CNTNAP4: variants seen among roughly 807,000 people sequenced by gnomAD.
CNTNAP4 encodes contactin associated protein family member 4, also known as contactin-associated protein-like 4.
CNTNAP4 carries 98 observed loss-of-function variants against 148.4 expected under a neutral mutation model. The ratio of observed to expected loss-of-function variants is 0.66; its 90% CI spans 0.56 to 0.78. CNTNAP4 has a LOEUF of 0.78. CNTNAP4 is among the 30% of genes least tolerant of loss of function. CNTNAP4 has a pLI of 0.00. For missense variants in CNTNAP4, 1,935 were observed against 1,565.6 expected (o/e 1.24, Z -3.98); for synonymous variants, 730 against 565.1 (o/e 1.29, Z -4.14).
intron 9 of CNTNAP4, 130 bp from the exon 10 acceptor site, chr16:76,467,222 A>T (rs910128965): frequency 2.7e-6 from 2 of 730,514 alleles, no homozygotes; most frequent in African/African-American, 3.6e-5. Context: ...TAATGACTGC[A>T]GTCATTATTC....
chr16:76,460,046 A>G (rs1422859084), intron 8 of CNTNAP4, among the ~76,000 whole-genome samples: 1 of 152,120 alleles, frequency 6.6e-6, no homozygotes, highest in African/African-American at 2.4e-5. Flanking sequence ...AATAGAAACA[A>G]TCATATTTTT....
At position 76,295,227 on chromosome 16, in the gene CNTNAP4, C is replaced by T. The variant is rs140519005; in HGVS notation, c.85+17480C>T. On this transcript the variant is annotated intron_variant, in intron 1 of 23. Transcript: ENST00000611870. The stretch of plus-strand genomic sequence containing the variant: ...AGGACAGCTAGATGAGGAAAGAAGG[C>T]GGAAACACATGCCCATCATAGCGAG... 2.0e-3 allele frequency among the ~76,000 whole-genome samples: 302 copies of T among 152,146 alleles called. 1 individual carries two copies. Among genetic ancestry groups the T allele is most frequent in the African/African-American group, 6.3e-3 (260 of 41,510 alleles).
At chr16:76,400,146 T>C (rs2078356639) in intron 3 of CNTNAP4, among the ~76,000 whole-genome samples, 2 of 152,180 alleles carry the variant, frequency 1.3e-5, no homozygotes, top group Admixed American at 6.5e-5. Context: ...GGTATTACTG[T>C]TATGTTATAG....
chr16:76,302,853 G>A (rs968452764), intron 1 of CNTNAP4, among the ~76,000 whole-genome samples: 3 of 152,112 alleles, frequency 2.0e-5, no homozygotes, highest in Non-Finnish European at 4.4e-5. Context: ...TCTCCAGAAG[G>A]GAGGGCTCTA....
At chr16:76,368,165 C>T (rs1349610836) in intron 3 of CNTNAP4, among the ~76,000 whole-genome samples, 1 of 152,136 alleles carries the variant, frequency 6.6e-6, no homozygotes, top group East Asian at 1.9e-4. Flanking sequence ...GATTCTCCTG[C>T]ACATTCTTTG....
intron 1 of CNTNAP4, among the ~76,000 whole-genome samples, chr16:76,301,045 A>G (rs575579523): frequency 6.6e-6 from 1 of 152,230 alleles, no homozygotes; most frequent in African/African-American, 2.4e-5. Context: ...ATAGGAACTA[A>G]CATGGAAATT....
At chr16:76,547,083 T>C (rs1263416207) in intron 21 of CNTNAP4, among the ~76,000 whole-genome samples, 3 of 152,214 alleles carry the variant, frequency 2.0e-5, no homozygotes, top group African/African-American at 7.2e-5. Flanking sequence ...AGTACTTTGT[T>C]CACAATGTAC....
intron 15 of CNTNAP4, among the ~76,000 whole-genome samples, chr16:76,518,810 A>T (rs2083349379): frequency 6.6e-6 from 1 of 152,066 alleles, no homozygotes; most frequent in East Asian, 1.9e-4. Context: ...ATCTAACTGG[A>T]ATTTTGTATT....
intron 15 of CNTNAP4, among the ~76,000 whole-genome samples, chr16:76,519,541 GTA>G (rs573991356): frequency 5.3e-5 from 8 of 152,110 alleles, no homozygotes; most frequent in Admixed American, 1.3e-4. Flanking sequence ...TTATGTTAAT[GTA>G]TAACATTTAA....
intron 3 of CNTNAP4, among the ~76,000 whole-genome samples, chr16:76,365,049 G>C (rs185791890): frequency 1.2e-4 from 18 of 152,224 alleles, no homozygotes; most frequent in Non-Finnish European, 2.2e-4. Context: ...GTTAATTTTT[G>C]CATAAGGTGT....
At chr16:76,426,169 G>A (rs188705342) in intron 3 of CNTNAP4, among the ~76,000 whole-genome samples, 2 of 152,178 alleles carry the variant, frequency 1.3e-5, no homozygotes, top group East Asian at 3.9e-4. Flanking sequence ...TGATTGACAA[G>A]GAGAATCAAA....
At chr16:76,324,072 A>G (rs1038398044) in intron 2 of CNTNAP4, among the ~76,000 whole-genome samples, 8 of 152,180 alleles carry the variant, frequency 5.3e-5, no homozygotes, top group African/African-American at 1.9e-4. Flanking sequence ...AGTAAGAGAA[A>G]TTGGTAGTCC....
At chr16:76,346,485 TCTGGGATATTGC>T (rs1246294979) in intron 2 of CNTNAP4, among the ~76,000 whole-genome samples, 1 of 151,560 alleles carries the variant, frequency 6.6e-6, no homozygotes, top group Admixed American at 6.6e-5. Flanking sequence ...TTTTTAAATT[TCTGGGATATTGC>T]CAGTAGGCTC....
intron 2 of CNTNAP4, among the ~76,000 whole-genome samples, chr16:76,318,301 C>A (rs1438408829): frequency 6.6e-6 from 1 of 152,114 alleles, no homozygotes; most frequent in Non-Finnish European, 1.5e-5. Context: ...ATCTTGATTT[C>A]CTTTGTTGAG....
chr16:76,454,307 G>T (rs1262576824), intron 8 of CNTNAP4, among the ~76,000 whole-genome samples: 1 of 151,914 alleles, frequency 6.6e-6, no homozygotes, highest in Non-Finnish European at 1.5e-5. Context: ...TTGAGACAGG[G>T]TTTCTCCATG....
At chr16:76,322,564 C>G (rs559981769) in intron 2 of CNTNAP4, among the ~76,000 whole-genome samples, 1 of 152,304 alleles carries the variant, frequency 6.6e-6, no homozygotes, top group African/African-American at 2.4e-5. Context: ...TATTTCACCA[C>G]CAAACTTTAA....
At chr16:76,309,836 C>G in intron 1 of CNTNAP4, 1 of 700,440 alleles carries the variant, frequency 1.4e-6, no homozygotes, top group Non-Finnish European at 2.6e-6. Flanking sequence ...TCAGGGGTTT[C>G]CGCTTTTGCT....
intron 10 of CNTNAP4, among the ~76,000 whole-genome samples, chr16:76,475,410 C>T (rs139447639): frequency 6.6e-6 from 1 of 152,098 alleles, no homozygotes; most frequent in South Asian, 2.1e-4. Flanking sequence ...TTAAATTATC[C>T]TGGGAGTCCC....
intron 15 of CNTNAP4, among the ~76,000 whole-genome samples, chr16:76,501,234 T>C (rs895110178): frequency 2.0e-5 from 3 of 152,184 alleles, no homozygotes; most frequent in African/African-American, 7.2e-5. Context: ...AGAGATGAGG[T>C]TGTAAACTTC....
Sources: allele counts gnomAD v4.1 joint callset (sites outside exome capture counted in the v4.1 genomes callset), GRCh38; gene constraint gnomAD v4.1.1; transcripts MANE v1.5; gene names NCBI Gene and HGNC (gene_info 2026-07-23, HGNC 2026-07-21).